NEGR1: variants seen among roughly 807,000 people sequenced by gnomAD.
The protein encoded by NEGR1 is neuronal growth regulator 1, also known as IgLON family member 4.
A neutral mutation model predicts 40.9 loss-of-function variants in NEGR1; 10 were observed. The observed-to-expected ratio is 0.24, with a 90% CI of 0.15 to 0.42. NEGR1 has a LOEUF of 0.42. NEGR1 is among the 10% of genes least tolerant of loss of function. The pLI, the probability that NEGR1 is intolerant of heterozygous loss-of-function variation, is 1.00. For synonymous variants in NEGR1, 185 were observed against 166.8 expected (o/e 1.11, Z -0.84); for missense variants, 352 against 438.9 (o/e 0.80, Z 1.77).
At chr1:72,076,302 G>T (rs895012445) in intron 1 of NEGR1, among the ~76,000 whole-genome samples, 3 of 152,116 alleles carry the variant, frequency 2.0e-5, no homozygotes, top group African/African-American at 7.2e-5. Flanking sequence ...CTTCTTTCAC[G>T]ATGTGAAGAT....
chr1:71,687,126 G>A (rs1203191729), intron 4 of NEGR1, among the ~76,000 whole-genome samples: 3 of 152,132 alleles, frequency 2.0e-5, no homozygotes, highest in African/African-American at 7.2e-5. Flanking sequence ...ATTAGGCTAC[G>A]ATGTCTCATA....
intron 6 of NEGR1, among the ~76,000 whole-genome samples, chr1:71,492,795 A>T (rs1196749648): frequency 6.6e-6 from 1 of 152,136 alleles, no homozygotes; most frequent in Non-Finnish European, 1.5e-5. Context: ...CGACAGACAT[A>T]CTGTGATAAG....
intron 3 of NEGR1, among the ~76,000 whole-genome samples, chr1:71,760,297 G>A (rs1435629659): frequency 7.9e-5 from 12 of 152,060 alleles, no homozygotes; most frequent in Admixed American, 7.9e-4. Context: ...CATTATATGT[G>A]TCTTAAAATA....
At chr1:72,011,378 C>G (rs1327535011) in intron 1 of NEGR1, among the ~76,000 whole-genome samples, 26 of 152,094 alleles carry the variant, frequency 1.7e-4, no homozygotes, top group Admixed American at 1.5e-3. Context: ...AGGACAATCT[C>G]TCAATGTTAT....
At chr1:71,980,168 CT>C (rs143118788) in intron 1 of NEGR1, among the ~76,000 whole-genome samples, 34 of 152,198 alleles carry the variant, frequency 2.2e-4, no homozygotes, top group Admixed American at 1.8e-3. Context: ...GAGGTTACTT[CT>C]GAGGAGCCAG....
chr1:71,803,452 T>C (rs1057102077), intron 2 of NEGR1, among the ~76,000 whole-genome samples: 5 of 152,124 alleles, frequency 3.3e-5, no homozygotes, highest in African/African-American at 9.7e-5. Flanking sequence ...GTATAGTCTG[T>C]CCAATGGCTA....
intron 1 of NEGR1, among the ~76,000 whole-genome samples, chr1:72,066,641 A>G (rs1647279082): frequency 6.6e-6 from 1 of 152,112 alleles, no homozygotes; most frequent in Non-Finnish European, 1.5e-5. Flanking sequence ...CCAGGAATGC[A>G]CATGCACAGA....
chr1:71,659,772 T>G (rs1651995930), intron 4 of NEGR1, among the ~76,000 whole-genome samples: 1 of 152,114 alleles, frequency 6.6e-6, no homozygotes, highest in South Asian at 2.1e-4. Context: ...AAAGCCACAA[T>G]GAGATGCCAT....
chr1:72,185,575 G>A (rs1244324628), intron 1 of NEGR1, among the ~76,000 whole-genome samples: 1 of 151,882 alleles, frequency 6.6e-6, no homozygotes, highest in African/African-American at 2.4e-5. Context: ...GGAATTCATT[G>A]AGATGTTACC....
At chr1:72,269,014 T>C (rs555561337) in intron 1 of NEGR1, among the ~76,000 whole-genome samples, 19 of 151,712 alleles carry the variant, frequency 1.3e-4, no homozygotes, top group African/African-American at 3.9e-4. Context: ...GCAAAGTCTC[T>C]AGAAGACGGA....
chr1:72,137,034 A>G lies in NEGR1; in HGVS notation c.176+145285T>C, dbSNP rs549477347. On this transcript the variant is annotated intron_variant, in intron 1 of 6. Coordinates refer to ENST00000357731, the MANE Select transcript of NEGR1 (RefSeq NM_173808.3). ...TGGTCATCAGATAAATGCAAATCAA[A>G]ACCACAATGAGATACCATCTCACAC... Among the ~76,000 whole-genome samples, 3 of 152,332 alleles carry G rather than the reference A, an allele frequency of 2.0e-5. No individual in the cohort carries two copies. The East Asian group carries it at 5.8e-4, about 29-fold the overall frequency.
chr1:72,254,655 T>C (rs1002787360), intron 1 of NEGR1, among the ~76,000 whole-genome samples: 1 of 137,408 alleles, frequency 7.3e-6, no homozygotes, highest in African/African-American at 2.8e-5. Flanking sequence ...TGAGCTGAGA[T>C]AGCGCCACTG....
chr1:71,717,376 A>G (rs1320946693), intron 3 of NEGR1, among the ~76,000 whole-genome samples: 3 of 152,224 alleles, frequency 2.0e-5, no homozygotes, highest in African/African-American at 7.2e-5. Context: ...TTTACACAAT[A>G]AGAATTCTTT....
At chr1:71,419,808 G>C (rs552101690) in intron 6 of NEGR1, among the ~76,000 whole-genome samples, 2 of 151,798 alleles carry the variant, frequency 1.3e-5, no homozygotes, top group Non-Finnish European at 2.9e-5. Flanking sequence ...TTGTAAAACG[G>C]GAAAATGAGA....
chr1:72,282,516 T>C lies in NEGR1; in HGVS notation c.-22A>G. The C allele has an allele frequency of 2.0e-6, 3 of 1,526,126 alleles. No individual in the cohort carries two copies. Among genetic ancestry groups the C allele is most frequent in the Non-Finnish European group, 2.7e-6 (3 of 1,128,486 alleles). 94.5% of individuals were successfully genotyped at this position (1,526,126 alleles called of 1,614,324 possible). A position where few individuals can be genotyped will look rare whatever the true frequency, so the allele number is the denominator to read the frequency against. On this transcript the variant is annotated 5_prime_UTR_variant, in exon 1 of 7. Coordinates refer to ENST00000357731, the MANE Select transcript of NEGR1 (RefSeq NM_173808.3). ...CCATCCCTGCTAGGGCTGCTCACTC[T>C]CCAGCAGCTTTCAGCTCGCACTCCC... is the stretch of plus-strand genomic sequence containing the variant.
At chr1:72,228,765 T>G (rs1204237845) in intron 1 of NEGR1, among the ~76,000 whole-genome samples, 2 of 152,136 alleles carry the variant, frequency 1.3e-5, no homozygotes, top group African/African-American at 2.4e-5. Context: ...TGTACTTCTT[T>G]GAGGAAAATG....
chr1:71,865,378 T>A (rs989504341), intron 2 of NEGR1, among the ~76,000 whole-genome samples: 14 of 152,062 alleles, frequency 9.2e-5, no homozygotes, highest in Non-Finnish European at 1.5e-5. Context: ...AATGCGGCAC[T>A]TATACACCAT....
At chr1:72,081,219 TAGAG>T (rs1210110961) in intron 1 of NEGR1, among the ~76,000 whole-genome samples, 4 of 152,046 alleles carry the variant, frequency 2.6e-5, no homozygotes, top group Admixed American at 6.6e-5. Context: ...CAGTACATCC[TAGAG>T]AAATCAAATA....
intron 3 of NEGR1, among the ~76,000 whole-genome samples, chr1:71,748,426 G>A (rs1655457704): frequency 1.3e-5 from 2 of 152,044 alleles, no homozygotes; most frequent in South Asian, 2.1e-4. Flanking sequence ...CTTCACTTTT[G>A]TTCTTTTAAT....
Sources: allele counts gnomAD v4.1 joint callset (sites outside exome capture counted in the v4.1 genomes callset), GRCh38; gene constraint gnomAD v4.1.1; transcripts MANE v1.5; gene names NCBI Gene and HGNC (gene_info 2026-07-23, HGNC 2026-07-21).